EMP2: variants seen among roughly 807,000 people sequenced by gnomAD.
EMP2 encodes epithelial membrane protein 2.
Under a neutral mutation model 13.7 loss-of-function variants are expected in EMP2, and 19 were observed. The observed-to-expected ratio is 1.38, with a 90% confidence interval of 0.97 to 2.03. The LOEUF (loss-of-function observed/expected upper bound fraction) is 2.03, where lower values mean the gene tolerates loss of function less well. Among genes scored for constraint, EMP2 ranks in the 30% most tolerant of loss-of-function variants. The pLI, the probability that EMP2 is intolerant of heterozygous loss-of-function variation, is 0.00. For missense variants in EMP2, 253 were observed against 220.7 expected (o/e 1.15, Z -0.93); for synonymous variants, 97 against 84.7 (o/e 1.15, Z -0.80).
chr16:10,534,169 G>T (rs1206905341), intron 4 of EMP2, among the ~76,000 whole-genome samples: 1 of 152,054 alleles, frequency 6.6e-6, no homozygotes, highest in Non-Finnish European at 1.5e-5. Flanking sequence ...GGAGGAGAAA[G>T]CTTTTTTAAA....
In EMP2 at chr16:10,531,809, G is replaced by A. The variant is rs953726434; in HGVS notation, c.*1096C>T. The A allele has an allele frequency of 1.9e-5, 3 of 154,726 alleles. No individual in the cohort carries two copies. Among genetic ancestry groups the A allele is most frequent in the Non-Finnish European group, 4.4e-5 (3 of 68,230 alleles). 9.6% of individuals were successfully genotyped at this position (154,726 alleles called of 1,614,324 possible). ...AATGAATGGTGGATGGGTCCTCTGA[G>A]GCTCTAGAAATAGGGGTGAGAGGCC... On this transcript the variant is annotated 3_prime_UTR_variant, in exon 5 of 5. Coordinates refer to ENST00000359543, the MANE Select transcript of EMP2 (RefSeq NM_001424.6).
At chr16:10,562,703 G>A (rs929140148) in intron 1 of EMP2, among the ~76,000 whole-genome samples, 3 of 152,232 alleles carry the variant, frequency 2.0e-5, no homozygotes, top group African/African-American at 7.2e-5. Flanking sequence ...CTGATACAGT[G>A]GAGATACTGC....
At chr16:10,541,212 G>T (rs12599529) in intron 3 of EMP2, among the ~76,000 whole-genome samples, 9,978 of 151,248 alleles carry the variant, frequency 0.066, 365 homozygotes, top group Non-Finnish European at 0.09. Context: ...AAACCAGCCT[G>T]GGCAACACAG....
At chr16:10,543,520 T>C in intron 3 of EMP2, 50 bp downstream of exon 3, 1 of 1,597,956 alleles carries the variant, frequency 6.3e-7, no homozygotes, top group Non-Finnish European at 8.6e-7. Flanking sequence ...CTCCTGACCG[T>C]TCCTTCCTCC....
chr16:10,555,683 G>C (rs1719498009), intron 1 of EMP2, among the ~76,000 whole-genome samples: 1 of 151,826 alleles, frequency 6.6e-6, no homozygotes, highest in African/African-American at 2.4e-5. Flanking sequence ...TGCCTCCTGA[G>C]TCCAGGCAAT....
At chr16:10,575,237 CTTTTTTTTTTTTT>C (rs761837614) in intron 1 of EMP2, among the ~76,000 whole-genome samples, 46 of 52,494 alleles carry the variant, frequency 8.8e-4, no homozygotes, top group South Asian at 3.6e-3. Context: ...AGCTTGCATT[CTTTTTTTTTTTTT>C]TTTTTTTTTT....
chr16:10,551,633 T>G (rs2050789022), intron 1 of EMP2, among the ~76,000 whole-genome samples: 1 of 152,134 alleles, frequency 6.6e-6, no homozygotes, highest in Non-Finnish European at 1.5e-5. Context: ...TCTCAAACCC[T>G]TGACCTCATG....
chr16:10,573,931 T>TG, intron 1 of EMP2, among the ~76,000 whole-genome samples: 1 of 64,596 alleles, frequency 1.5e-5, no homozygotes, highest in Non-Finnish European at 2.9e-5. Context: ...TGGATAAACC[T>TG]TTTTTTTTTT....
At chr16:10,554,808 C>A (rs57179199) in intron 1 of EMP2, among the ~76,000 whole-genome samples, 7 of 152,014 alleles carry the variant, frequency 4.6e-5, no homozygotes, top group African/African-American at 1.7e-4. Flanking sequence ...TCCGTTTCAC[C>A]CTCAGCTGGC....
chr16:10,537,284 GCT>G (rs2050654753), intron 4 of EMP2, among the ~76,000 whole-genome samples: 1 of 152,200 alleles, frequency 6.6e-6, no homozygotes, highest in African/African-American at 2.4e-5. Flanking sequence ...AGAAAAAAAT[GCT>G]CTGAGACCTC....
intron 1 of EMP2, among the ~76,000 whole-genome samples, chr16:10,556,373 C>G (rs1300508847): frequency 1.3e-5 from 2 of 152,208 alleles, no homozygotes; most frequent in African/African-American, 2.4e-5. Flanking sequence ...TGGCCTGATT[C>G]TTTGCAGTGC....
At chr16:10,553,666 C>T (rs1245578651) in intron 1 of EMP2, among the ~76,000 whole-genome samples, 1 of 152,244 alleles carries the variant, frequency 6.6e-6, no homozygotes, top group Non-Finnish European at 1.5e-5. Flanking sequence ...CCTCAGAGAA[C>T]ATTCTTTCCC....
intron 1 of EMP2, chr16:10,576,792 C>G (rs549901406): frequency 1.3e-5 from 2 of 152,324 alleles, no homozygotes; most frequent in Admixed American, 6.5e-5. Context: ...TGAACAAAAC[C>G]AACAGTGTCT....
intron 3 of EMP2, among the ~76,000 whole-genome samples, chr16:10,541,769 C>A (rs1202381028): frequency 6.6e-6 from 1 of 152,166 alleles, no homozygotes; most frequent in Non-Finnish European, 1.5e-5. Context: ...TGGAATCCTG[C>A]CGCCATCATT....
At chr16:10,557,061 A>C (rs2050834065) in intron 1 of EMP2, among the ~76,000 whole-genome samples, 1 of 152,162 alleles carries the variant, frequency 6.6e-6, no homozygotes, top group South Asian at 2.1e-4. Flanking sequence ...GGCCTAAAAA[A>C]GAATCGTGCT....
rs2050596134 is a variant in EMP2 at position 10,531,056 on chromosome 16, C to T, written c.*1849G>A. 1 of 152,214 alleles carries T rather than the reference C, an allele frequency of 6.6e-6. No individual in the cohort carries two copies. The highest frequency in any genetic ancestry group is 2.1e-4 in the South Asian group (1 of 4,826). 9.4% of individuals were successfully genotyped at this position (152,214 alleles called of 1,614,324 possible). A position where few individuals can be genotyped will look rare whatever the true frequency, so the allele number is the denominator to read the frequency against. On this transcript the variant is annotated 3_prime_UTR_variant, in exon 5 of 5. Transcript: ENST00000359543. The stretch of plus-strand genomic sequence containing the variant: ...GGTGAATCTCGGCTCACTGCGACCT[C>T]CGCCTCCCAGTTTCAAGCGATTCTC...
chr16:10,570,224 C>CT (rs544574300), intron 1 of EMP2, among the ~76,000 whole-genome samples: 12,551 of 131,726 alleles, frequency 0.095, 864 homozygotes, highest in East Asian at 0.34. Context: ...AAAATGGTGG[C>CT]TTTTTTTTTT....
intron 1 of EMP2, among the ~76,000 whole-genome samples, chr16:10,571,742 T>C (rs1010199343): frequency 6.6e-6 from 1 of 152,264 alleles, no homozygotes; most frequent in Non-Finnish European, 1.5e-5. Flanking sequence ...GGCAGCGGTC[T>C]GGACCAAGAT....
At chr16:10,547,746 C>T in intron 1 of EMP2, 69 bp from the exon 2 acceptor site, 1 of 904,986 alleles carries the variant, frequency 1.1e-6, no homozygotes, top group South Asian at 1.7e-5. Flanking sequence ...AAAAAATAAA[C>T]ACCTTTTAGC....
Sources: allele counts gnomAD v4.1 joint callset (sites outside exome capture counted in the v4.1 genomes callset), GRCh38; gene constraint gnomAD v4.1.1; transcripts MANE v1.5; gene names NCBI Gene and HGNC (gene_info 2026-07-23, HGNC 2026-07-21).